PROSER2: variants seen among roughly 807,000 people sequenced by gnomAD.
The protein encoded by PROSER2 is proline and serine-rich protein 2.
A neutral mutation model predicts 14.6 loss-of-function variants in PROSER2; 18 were observed. The observed-to-expected ratio is 1.23, with a 90% CI of 0.85 to 1.83. The LOEUF (loss-of-function observed/expected upper bound fraction) is 1.83. Ranked by LOEUF, PROSER2 falls within the 40% of genes most tolerant of loss-of-function variation. The pLI is 0.00. For synonymous variants in PROSER2, 367 were observed against 286.4 expected, an observed-to-expected ratio of 1.28 and a Z score of -2.84; for missense variants, 823 against 629.8, an observed-to-expected ratio of 1.31 and a Z score of -3.28.
intron 2 of PROSER2, among the ~76,000 whole-genome samples, chr10:11,855,149 T>TG (rs1479547725): frequency 1.3e-5 from 2 of 150,186 alleles, no homozygotes; most frequent in African/African-American, 2.4e-5. Context: ...GGTTTTTTGT[T>TG]TTTTTTTTTT....
chr10:11,826,273 A>G (rs1379159050), intron 1 of PROSER2, among the ~76,000 whole-genome samples: 1 of 152,100 alleles, frequency 6.6e-6, no homozygotes, highest in East Asian at 1.9e-4. Flanking sequence ...TTACCCATTC[A>G]TCAGATGAAT....
chr10:11,834,072 G>A (rs1833725271), intron 1 of PROSER2, among the ~76,000 whole-genome samples: 1 of 131,228 alleles, frequency 7.6e-6, no homozygotes, highest in Admixed American at 9.2e-5. Flanking sequence ...TCAGCTCACT[G>A]CAACCTCTGC....
At chr10:11,841,093 C>G (rs1278045646) in intron 1 of PROSER2, among the ~76,000 whole-genome samples, 1 of 149,862 alleles carries the variant, frequency 6.7e-6, no homozygotes, top group South Asian at 2.1e-4. Flanking sequence ...AACTTTCTCA[C>G]CTGCTTTTCA....
intron 1 of PROSER2, among the ~76,000 whole-genome samples, chr10:11,835,517 T>G (rs1030571620): frequency 6.6e-6 from 1 of 152,192 alleles, no homozygotes; most frequent in African/African-American, 2.4e-5. Flanking sequence ...AGTCGAATAA[T>G]AGAAAACAAA....
intron 2 of PROSER2, among the ~76,000 whole-genome samples, chr10:11,859,307 A>C (rs1834189704): frequency 6.6e-6 from 1 of 151,984 alleles, no homozygotes; most frequent in Non-Finnish European, 1.5e-5. Context: ...TGCAGCCTGT[A>C]ATCTCAGCGA....
rs552006609 is a variant in PROSER2 at position 11,825,966 on chromosome 10, A to G, written c.-82+2496A>G. Among the ~76,000 whole-genome samples, 16 of 152,292 alleles carry G rather than the reference A, an allele frequency of 1.1e-4. No homozygotes were observed. The South Asian group carries it at 3.3e-3, about 32-fold the overall frequency. On this transcript the variant is annotated intron_variant, in intron 1 of 3. Coordinates refer to ENST00000277570, the MANE Select transcript of PROSER2 (RefSeq NM_153256.4). ...ATTCCATTCCCAATGTTATGCAATC[A>G]TCACCACTATCAAGTTCCAGAACTT...
In PROSER2 at chr10:11,852,102, G is replaced by A. The variant is rs377218385; in HGVS notation, c.25G>A (p.Asp9Asn). 5.0e-6 allele frequency: 8 copies of A among 1,612,312 alleles called. No homozygotes were observed. The highest frequency in any genetic ancestry group is 6.8e-6 in the Non-Finnish European group (8 of 1,179,156). MPVTHRKS[D>N]ASDMNSDTSP... ...GATGCCTGTAACCCACCGGAAATCA[G>A]ACGCATCTGACATGAACTCAGACAC... is the stretch of plus-strand genomic sequence containing the variant. Residue 9 changes from aspartate (D) to asparagine (N), a missense_variant, in exon 2 of 4, where the codon GAC becomes AAC. Asp to Asn is a conservative substitution (Grantham distance 23). Coordinates refer to ENST00000277570, the MANE Select transcript of PROSER2 (RefSeq NM_153256.4).
chr10:11,848,710 C>G (rs555761596), intron 1 of PROSER2, among the ~76,000 whole-genome samples: 4 of 152,348 alleles, frequency 2.6e-5, no homozygotes, highest in Admixed American at 6.5e-5. Flanking sequence ...CCTCATCCCC[C>G]CAGTTTGCAC....
rs1834418412 is a variant in PROSER2, at chr10:11,869,431, C to G, written c.392-59C>G. The G allele has an allele frequency of 2.3e-6, 3 of 1,312,822 alleles. No individual in the cohort carries two copies. The South Asian group carries it at 3.6e-5, about 16-fold the overall frequency. The allele number at this position is 1,312,822 out of a possible 1,614,324, so 81.3% of individuals were successfully genotyped here. ...CTCTTTTCAGTTCAGCGAGAGGGAA[C>G]TTCATGCATTTACTTTCACGTGGGC... is the stretch of plus-strand genomic sequence containing the variant. On this transcript the variant is annotated intron_variant, in intron 3 of 3. Transcript: ENST00000277570. This position sits in a 1 kb window ranked among gnomAD's most constrained non-coding sequence, Gnocchi z 4.4.
Position 11,838,295 on chromosome 10 carries a change from C to G in PROSER2, c.-81-13702C>G, listed in dbSNP as rs1833790237. ...ACATGAATAGAATTGCACTAAGAAT[C>G]TAACTCTGACTTTTCATTGAGTGCT... On this transcript the variant is annotated intron_variant, in intron 1 of 3. Transcript: ENST00000277570. The surrounding 1 kb of genome is among the most constrained non-coding windows in gnomAD (Gnocchi z 4.4). 6.6e-6 allele frequency among the ~76,000 whole-genome samples: 1 copy of G among 152,214 alleles called. No homozygotes were observed.
chr10:11,829,833 T>C (rs111545321), intron 1 of PROSER2, among the ~76,000 whole-genome samples: 165 of 135,588 alleles, frequency 1.2e-3, no homozygotes, highest in African/African-American at 4.2e-3. Flanking sequence ...TCTTTACTTC[T>C]GATTTTTTTT....
intron 1 of PROSER2, among the ~76,000 whole-genome samples, chr10:11,834,761 C>T (rs1454487344): frequency 6.6e-6 from 1 of 151,754 alleles, no homozygotes; most frequent in Non-Finnish European, 1.5e-5. Context: ...AAAACTCGGC[C>T]ACCTTGCCTG....
chr10:11,842,928 G>GTTTTT (rs1554766492), intron 1 of PROSER2, among the ~76,000 whole-genome samples: 1 of 51,714 alleles, frequency 1.9e-5, no homozygotes. Context: ...TTTTGCCATT[G>GTTTTT]TTCTTTTTTT....
chr10:11,850,993 CG>C (rs1186458696), intron 1 of PROSER2: 4 of 152,218 alleles, frequency 2.6e-5, no homozygotes, highest in African/African-American at 4.8e-5. Flanking sequence ...CCAAGGCAGG[CG>C]GATCACTTGA....
In PROSER2 at chr10:11,870,985, A is replaced by C. The variant is rs781243304; in HGVS notation, c.*579A>C. 6.6e-6 allele frequency: 1 copy of C among 152,268 alleles called. No homozygotes were observed. The highest frequency in any genetic ancestry group is 1.5e-5 in the Non-Finnish European group (1 of 68,022). 9.4% of individuals were successfully genotyped at this position (152,268 alleles called of 1,614,324 possible). ...TTGCCCAGTTTTGTTTTTTACTGAAAACTGAAATGAAACCTTTAGATATTG... is the reference window on the plus strand; with the variant it reads ...TTGCCCAGTTTTGTTTTTTACTGAACACTGAAATGAAACCTTTAGATATTG... On this transcript the variant is annotated 3_prime_UTR_variant, in exon 4 of 4. Coordinates refer to ENST00000277570, the MANE Select transcript of PROSER2 (RefSeq NM_153256.4).
Position 11,870,143 on chromosome 10 carries a change from C to A in PROSER2, c.1045C>A (p.His349Asn), listed in dbSNP as rs1342552561. The A allele has an allele frequency of 1.4e-6, 2 of 1,423,114 alleles. No homozygotes were observed. The highest frequency in any genetic ancestry group is 1.8e-6 in the Non-Finnish European group (2 of 1,094,612). The allele number at this position is 1,423,114 out of a possible 1,614,324, so 88.2% of individuals were successfully genotyped here. A position where few individuals can be genotyped will look rare whatever the true frequency, so the allele number is the denominator to read the frequency against. ...GCTGGCCAACGGCTTCCCAAGTGCG[C>A]ACGAGGCCCTGAAGAGCGCACCCAG... Reference protein sequence around the residue: ...PALANGFPSAHEALKSAPSSF... With the variant: ...PALANGFPSANEALKSAPSSF... Residue 349 changes from histidine to asparagine, a missense_variant, in exon 4 of 4, where the codon CAC (histidine) becomes AAC (asparagine). Transcript: ENST00000277570.
At chr10:11,841,411 G>C (rs115133185) in intron 1 of PROSER2, among the ~76,000 whole-genome samples, 244 of 151,842 alleles carry the variant, frequency 1.6e-3, no homozygotes, top group African/African-American at 5.7e-3. Flanking sequence ...TTTCTCTACT[G>C]TATGTTTTTC....
intron 2 of PROSER2, among the ~76,000 whole-genome samples, chr10:11,859,948 G>A (rs1433373245): frequency 6.6e-6 from 1 of 152,210 alleles, no homozygotes; most frequent in East Asian, 1.9e-4. Context: ...CATCTCCCGA[G>A]GGAGGGGTAG....
chr10:11,840,922 C>CA lies in PROSER2; in HGVS notation c.-81-11041dup, dbSNP rs1169517487. Among the ~76,000 whole-genome samples the CA allele has an allele frequency of 2.6e-4, 13 of 50,404 alleles. 1 individual carries two copies. Among genetic ancestry groups the CA allele is most frequent in the Admixed American group, 8.6e-4 (2 of 2,330 alleles). The allele number at this position is 50,404 out of a possible 152,430, so 33.1% of individuals were successfully genotyped here. A position where few individuals can be genotyped will look rare whatever the true frequency, so the allele number is the denominator to read the frequency against. The stretch of plus-strand genomic sequence containing the variant: ...CCTGGGCGTCAGAGTGAGACTGTCT[C>CA]AAAAAAAAAAAAAAAAAAAAAAAAA... On this transcript the variant is annotated intron_variant, in intron 1 of 3. Coordinates refer to ENST00000277570, the MANE Select transcript of PROSER2 (RefSeq NM_153256.4).
Sources: gnomAD v4.1 joint callset for allele counts (sites outside exome capture counted in the v4.1 genomes callset) on GRCh38, gnomAD v4.1.1 for gene constraint, Gnocchi (gnomAD v3.1) non-coding constraint, MANE v1.5 for transcripts, NCBI Gene and HGNC (gene_info 2026-07-23, HGNC 2026-07-21) for gene names.